Variants in SOX6 observed in about 807,000 individuals in gnomAD.
SOX6 encodes the protein transcription factor SOX-6.
Under a neutral mutation model 97.8 loss-of-function variants are expected in SOX6, and 11 were observed. The observed-to-expected ratio is 0.11, with a 90% CI of 0.07 to 0.19. The LOEUF (loss-of-function observed/expected upper bound fraction) is 0.19. SOX6 is among the 10% of genes least tolerant of loss of function. The pLI is 1.00. For missense variants in SOX6, 810 were observed against 1,039.5 expected (o/e 0.78, Z 3.04); for synonymous variants, 360 against 371.4 (o/e 0.97, Z 0.35).
intron 1 of SOX6, among the ~76,000 whole-genome samples, chr11:16,446,857 T>C (rs1354368775): frequency 6.6e-6 from 1 of 152,064 alleles, no homozygotes; most frequent in Non-Finnish European, 1.5e-5. Flanking sequence ...CTATCCAGCA[T>C]TCTGGAGGGT....
At chr11:16,393,267 G>A (rs1858239643) in intron 1 of SOX6, among the ~76,000 whole-genome samples, 1 of 151,970 alleles carries the variant, frequency 6.6e-6, no homozygotes, top group Non-Finnish European at 1.5e-5. Flanking sequence ...AATGAGCCCA[G>A]GAAAGAGTAA....
intron 3 of SOX6, among the ~76,000 whole-genome samples, chr11:16,266,708 T>C (rs1218312280): frequency 6.6e-6 from 1 of 151,548 alleles, no homozygotes; most frequent in African/African-American, 2.4e-5. Context: ...TGAACATCTC[T>C]TGAAGGTGGA....
chr11:16,692,056 C>CGTGT (rs755479047), intron 3 of SOX6, among the ~76,000 whole-genome samples: 18,226 of 143,956 alleles, frequency 0.13, 1,374 homozygotes, highest in East Asian at 0.26. Flanking sequence ...TTTGCGTGTG[C>CGTGT]GTGTGTGTGT....
chr11:15,991,490 C>T (rs1473916020), intron 13 of SOX6, among the ~76,000 whole-genome samples: 1 of 152,202 alleles, frequency 6.6e-6, no homozygotes, highest in East Asian at 1.9e-4. Context: ...CATTACTTTA[C>T]AACTGACATG....
At chr11:16,309,482 G>A (rs557493835) in intron 3 of SOX6, among the ~76,000 whole-genome samples, 13 of 152,050 alleles carry the variant, frequency 8.5e-5, no homozygotes, top group Non-Finnish European at 1.6e-4. Flanking sequence ...TTTAGCGACC[G>A]ATTGGAAACT....
intron 4 of SOX6, among the ~76,000 whole-genome samples, chr11:16,553,893 A>C (rs1248257885): frequency 6.6e-6 from 1 of 152,114 alleles, no homozygotes; most frequent in Non-Finnish European, 1.5e-5. Context: ...TGAAAAATAG[A>C]CCACTTTCTC....
rs545437914 is a variant in SOX6, at chr11:16,613,361, C to G, written n.430-1101G>C. 1 of 152,228 alleles carries G rather than the reference C, an allele frequency of 6.6e-6. No individual in the cohort carries two copies. The highest frequency in any genetic ancestry group is 2.4e-5 in the African/African-American group (1 of 41,440). The allele number at this position is 152,228 out of a possible 1,614,324, so 9.4% of individuals were successfully genotyped here. A position where few individuals can be genotyped will look rare whatever the true frequency, so the allele number is the denominator to read the frequency against. ...CGGGGGCTTTATTTTTCAGGTCTCTCCACTCATAAATTATGGGTGTCACTA... is the reference window on the plus strand; with the variant it reads ...CGGGGGCTTTATTTTTCAGGTCTCTGCACTCATAAATTATGGGTGTCACTA... On this transcript the variant is annotated intron_variant and non_coding_transcript_variant, in intron 3 of 5. Transcript: ENST00000524520. This position sits in a 1 kb window ranked among gnomAD's most constrained non-coding sequence, Gnocchi z 4.6.
chr11:16,637,883 T>C (rs1564854546), intron 3 of SOX6, among the ~76,000 whole-genome samples: 1 of 152,046 alleles, frequency 6.6e-6, no homozygotes, highest in Non-Finnish European at 1.5e-5. Flanking sequence ...GTTTTTTCCA[T>C]TCACATTTTT....
intron 2 of SOX6, among the ~76,000 whole-genome samples, chr11:16,718,049 C>T (rs1848231443): frequency 6.6e-6 from 1 of 150,908 alleles, no homozygotes; most frequent in East Asian, 2.0e-4. Flanking sequence ...AGTATAAAAG[C>T]CATTTCAAGC....
chr11:16,197,993 C>T (rs1399404527), intron 4 of SOX6, among the ~76,000 whole-genome samples: 2 of 152,122 alleles, frequency 1.3e-5, no homozygotes, highest in Non-Finnish European at 2.9e-5. Flanking sequence ...ACATTCGTCA[C>T]AAATTCTTAG....
chr11:16,654,192 A>G (rs1167484498), intron 3 of SOX6, among the ~76,000 whole-genome samples: 1 of 152,124 alleles, frequency 6.6e-6, no homozygotes, highest in Admixed American at 6.5e-5. Context: ...ACAGGCTCTC[A>G]GTGTATCACC....
intron 1 of SOX6, among the ~76,000 whole-genome samples, chr11:16,406,481 G>T (rs773548545): frequency 6.6e-6 from 1 of 152,118 alleles, no homozygotes; most frequent in Non-Finnish European, 1.5e-5. Context: ...ATTCAACTCT[G>T]CTCCATATGT....
chr11:16,117,799 C>T (rs922852921), intron 6 of SOX6, among the ~76,000 whole-genome samples: 2 of 152,160 alleles, frequency 1.3e-5, no homozygotes, highest in African/African-American at 4.8e-5. Flanking sequence ...TTCCCATCAT[C>T]CCGTTTTCCC....
intron 3 of SOX6, among the ~76,000 whole-genome samples, chr11:16,646,861 C>CT (rs1342235139): frequency 6.6e-6 from 1 of 152,152 alleles, no homozygotes; most frequent in Non-Finnish European, 1.5e-5. Flanking sequence ...GTGCAAGTAT[C>CT]TTTTTTGTAT....
chr11:16,464,124 A>G (rs974557492), intron 1 of SOX6, among the ~76,000 whole-genome samples: 4 of 152,238 alleles, frequency 2.6e-5, no homozygotes, highest in African/African-American at 9.6e-5. Context: ...TCCTGTTCTT[A>G]GAGAGCAAAT....
At chr11:16,258,933 T>C (rs79947779) in intron 3 of SOX6, among the ~76,000 whole-genome samples, 1,635 of 151,768 alleles carry the variant, frequency 0.011, 12 homozygotes, top group Admixed American at 0.016. Context: ...TATGTATGTA[T>C]AGAAACTCTC....
At chr11:16,234,079 T>G (rs952032566) in intron 4 of SOX6, among the ~76,000 whole-genome samples, 2 of 151,086 alleles carry the variant, frequency 1.3e-5, no homozygotes, top group African/African-American at 4.9e-5. Flanking sequence ...CCAAAGTTAC[T>G]CTGTCCAGTG....
chr11:16,507,755 T>C (rs1860814926), intron 4 of SOX6, among the ~76,000 whole-genome samples: 1 of 152,136 alleles, frequency 6.6e-6, no homozygotes, highest in Non-Finnish European at 1.5e-5. Flanking sequence ...CAAGATGAAT[T>C]AAAGACTTAA....
chr11:16,522,696 A>G (rs1405488339), intron 4 of SOX6, among the ~76,000 whole-genome samples: 3 of 152,222 alleles, frequency 2.0e-5, no homozygotes, highest in African/African-American at 4.8e-5. Flanking sequence ...AAGTTGGATA[A>G]AGAGTCAAGA....
Sources: allele counts gnomAD v4.1 joint callset (sites outside exome capture counted in the v4.1 genomes callset), GRCh38; gene constraint gnomAD v4.1.1; non-coding constraint Gnocchi (gnomAD v3.1); transcripts MANE v1.5; gene names NCBI Gene and HGNC (gene_info 2026-07-23, HGNC 2026-07-21).